DSG1: variants seen among roughly 807,000 people sequenced by gnomAD.
DSG1 encodes the protein desmoglein-1.
Under a neutral mutation model 97.5 loss-of-function variants are expected in DSG1, and 39 were observed. That is an observed-to-expected ratio of 0.40 (90% confidence interval 0.31 to 0.52). The LOEUF (loss-of-function observed/expected upper bound fraction) is 0.52, where lower values mean the gene tolerates loss of function less well. Among genes scored for constraint, DSG1 ranks in the 20% least tolerant of loss-of-function variants. DSG1 has a pLI of 0.53. For missense variants in DSG1, 1,311 were observed against 1,295.4 expected (o/e 1.01, Z -0.18); for synonymous variants, 475 against 443.4 (o/e 1.07, Z -0.90).
chr18:31,340,370 G>T (rs2071781301), intron 11 of DSG1, among the ~76,000 whole-genome samples: 2 of 151,806 alleles, frequency 1.3e-5, no homozygotes, highest in Non-Finnish European at 2.9e-5. Flanking sequence ...ACTTTGAGAG[G>T]CCAAGGCTGG....
intron 14 of DSG1, among the ~76,000 whole-genome samples, chr18:31,346,506 T>C (rs1364620161): frequency 6.6e-6 from 1 of 152,116 alleles, no homozygotes; most frequent in Non-Finnish European, 1.5e-5. Flanking sequence ...TATCTCCAAT[T>C]ACTCCTTGCC....
chr18:31,343,707 G>A (rs1293405576), intron 12 of DSG1, 124 bp downstream of exon 12: 1 of 1,428,124 alleles, frequency 7.0e-7, no homozygotes, highest in Admixed American at 1.8e-5. Flanking sequence ...AGCTAATGGA[G>A]AAAATGAAGA....
intron 3 of DSG1, among the ~76,000 whole-genome samples, chr18:31,327,485 A>G (rs943081766): frequency 2.6e-5 from 4 of 152,024 alleles, no homozygotes; most frequent in African/African-American, 9.7e-5. Context: ...CCCCCCACAA[A>G]TTCATGAACA....
Position 31,358,458 on chromosome 18 carries a change from G to C in DSG1, c.*3112G>C, listed in dbSNP as rs539877901. Among the ~76,000 whole-genome samples the C allele has an allele frequency of 1.3e-5, 2 of 152,028 alleles. No individual in the cohort carries two copies. Among genetic ancestry groups the C allele is most frequent in the Admixed American group, 1.3e-4 (2 of 15,276 alleles). ...TCTACATTTGTGTATAAAGTTTTTA[G>C]CATCATAATTTTTATTCAAGAAAAT... On this transcript the variant is annotated 3_prime_UTR_variant, in exon 15 of 15. Transcript: ENST00000257192.
chr18:31,326,846 TAC>T, intron 2 of DSG1, 26 bp from the exon 3 acceptor site: 1 of 1,608,352 alleles, frequency 6.2e-7, no homozygotes, highest in Non-Finnish European at 8.5e-7. Context: ...AATTAATATA[TAC>T]CATTTCTTTA....
intron 10 of DSG1, 45 bp downstream of exon 10, chr18:31,338,499 A>G: frequency 6.3e-7 from 1 of 1,590,274 alleles, no homozygotes. Flanking sequence ...AGAAAGCTGT[A>G]TATACCTTAA....
Position 31,355,355 on chromosome 18 carries a change from C to T in DSG1, c.*9C>T. 1 of 1,613,544 alleles carries T rather than the reference C, an allele frequency of 6.2e-7. No individual in the cohort carries two copies. The highest frequency in any genetic ancestry group is 8.5e-7 in the Non-Finnish European group (1 of 1,179,634). ...TGCAATATAGCAAGTAGTCAGGACC[C>T]CAGCTCACTTTTTCATAGTCATTGT... On this transcript the variant is annotated 3_prime_UTR_variant, in exon 15 of 15. Transcript: ENST00000257192.
rs1274137301 is a variant in DSG1 at position 31,356,014 on chromosome 18, T to C, written c.*668T>C. On this transcript the variant is annotated 3_prime_UTR_variant, in exon 15 of 15. Coordinates refer to ENST00000257192, the MANE Select transcript of DSG1 (RefSeq NM_001942.4). ...AGCAATGCCTGAGCCTGAACCTTAATGTGGGGCCTCAGTTAAATCTCCTGT... is the reference window on the plus strand; with the variant it reads ...AGCAATGCCTGAGCCTGAACCTTAACGTGGGGCCTCAGTTAAATCTCCTGT... The C allele has an allele frequency of 6.5e-6, 1 of 152,796 alleles. No homozygotes were observed. Among genetic ancestry groups the C allele is most frequent in the Non-Finnish European group, 1.5e-5 (1 of 68,542 alleles). The allele number at this position is 152,796 out of a possible 1,614,324, so 9.5% of individuals were successfully genotyped here.
At chr18:31,353,892 C>A (rs1222719365) in intron 14 of DSG1, 1 of 270,154 alleles carries the variant, frequency 3.7e-6, no homozygotes, top group Non-Finnish European at 7.2e-6. Context: ...GTGAGATGAA[C>A]CCGGTACCTC....
At position 31,354,644 on chromosome 18, in the gene DSG1, G is replaced by A. The variant is rs772943379; in HGVS notation, c.2448G>A (p.Ser816=). 9.3e-6 allele frequency: 15 copies of A among 1,613,916 alleles called. No individual in the cohort carries two copies. Among genetic ancestry groups the A allele is most frequent in the East Asian group, 4.5e-5 (2 of 44,878 alleles). Reference sequence around the variant, plus strand: ...TAATTTCTGAGAGCACCTATCCCTCGGGACCTGGTGTACTGCATCCTAAGC... The same window carrying A: ...TAATTTCTGAGAGCACCTATCCCTCAGGACCTGGTGTACTGCATCCTAAGC... ...TTVISESTYP[S]GPGVLHPKPI... The change falls in exon 15 of 15, where the codon TCG becomes TCA. Residue 816 remains serine (S), a synonymous_variant. Coordinates refer to ENST00000257192, the MANE Select transcript of DSG1 (RefSeq NM_001942.4).
At chr18:31,325,969 T>C (rs2071683390) in intron 1 of DSG1, among the ~76,000 whole-genome samples, 1 of 152,124 alleles carries the variant, frequency 6.6e-6, no homozygotes, top group Non-Finnish European at 1.5e-5. Context: ...AATACCTAGC[T>C]ATTATTTAAC....
chr18:31,322,927 A>G (rs1407311408), intron 1 of DSG1, among the ~76,000 whole-genome samples: 1 of 152,242 alleles, frequency 6.6e-6, no homozygotes. Context: ...GGGATTTATT[A>G]AAATTAGCCT....
At chr18:31,321,580 T>C (rs1466193052) in intron 1 of DSG1, among the ~76,000 whole-genome samples, 1 of 152,208 alleles carries the variant, frequency 6.6e-6, no homozygotes, top group Non-Finnish European at 1.5e-5. Flanking sequence ...GATTAGCATC[T>C]TCTATCACCT....
At chr18:31,326,706 A>G (rs1487612779) in intron 2 of DSG1, 90 bp downstream of exon 2, 15 of 1,370,280 alleles carry the variant, frequency 1.1e-5, no homozygotes, top group African/African-American at 7.2e-5. Flanking sequence ...ATGTATTCTC[A>G]TAAGTCAAGT....
At chr18:31,323,800 C>T (rs1177353667) in intron 1 of DSG1, among the ~76,000 whole-genome samples, 1 of 152,022 alleles carries the variant, frequency 6.6e-6, no homozygotes, top group Non-Finnish European at 1.5e-5. Context: ...CTTGAAGGTC[C>T]CTCAGAACCT....
chr18:31,330,393 T>A (rs1254599598), intron 5 of DSG1, among the ~76,000 whole-genome samples: 2 of 152,122 alleles, frequency 1.3e-5, no homozygotes, highest in African/African-American at 4.8e-5. Flanking sequence ...CTTACTGCGT[T>A]TTTTCCCCTT....
chr18:31,331,680 T>C (rs200607879), intron 5 of DSG1, 21 bp from the exon 6 acceptor site: 1 of 1,610,258 alleles, frequency 6.2e-7, no homozygotes, highest in Non-Finnish European at 8.5e-7. Context: ...CCATTTGCAA[T>C]CAATTTTCCT....
rs369314614 is a variant in DSG1, at chr18:31,355,214, G to C, written c.3018G>C (p.Leu1006Phe). 49 of 1,604,032 alleles carry C rather than the reference G, an allele frequency of 3.1e-5. No individual in the cohort carries two copies. The highest frequency in any genetic ancestry group is 3.7e-5 in the Non-Finnish European group (43 of 1,173,724). ...ISGGGIGLSS[L>F]GGTASIGHMR... The stretch of plus-strand genomic sequence containing the variant: ...GTGGTGGCATTGGCCTGAGCAGCTT[G>C]GGAGGGACAGCCAGCATTGGCCACA... The change falls in exon 15 of 15, where the codon TTG becomes TTC. Residue 1006 changes from leucine to phenylalanine, a missense_variant. Physicochemically the swap from Leu to Phe is conservative, Grantham distance 22. This residue lies in a region of DSG1 where 1,038 missense variants were observed against 964.6 expected (regional missense o/e 1.08). Coordinates refer to ENST00000257192, the MANE Select transcript of DSG1 (RefSeq NM_001942.4).
At chr18:31,327,125 T>A in intron 3 of DSG1, 120 bp downstream of exon 3, 1 of 1,288,288 alleles carries the variant, frequency 7.8e-7, no homozygotes, top group Non-Finnish European at 1.1e-6. Flanking sequence ...AGAACAGAAC[T>A]ATAGTCACCT....
Sources: allele counts gnomAD v4.1 joint callset (sites outside exome capture counted in the v4.1 genomes callset), GRCh38; gene constraint gnomAD v4.1.1; regional missense constraint gnomAD v4.1.1; transcripts MANE v1.5; gene names NCBI Gene and HGNC (gene_info 2026-07-23, HGNC 2026-07-21).